The following SBF2 variants were observed in gnomAD, a reference collection of about 807,000 sequenced individuals.
SBF2 encodes the protein SET binding factor 2.
SBF2 carries 112 observed loss-of-function variants against 225.2 expected under a neutral mutation model. That is an observed-to-expected ratio of 0.50 (90% confidence interval 0.43 to 0.58). SBF2 has a LOEUF of 0.58. Among genes scored for constraint, SBF2 ranks in the 20% least tolerant of loss-of-function variants. The pLI is 0.00. For missense variants in SBF2, 1,996 were observed against 2,206.2 expected, an observed-to-expected ratio of 0.90 and a Z score of 1.91; for synonymous variants, 763 against 773.3, an observed-to-expected ratio of 0.99 and a Z score of 0.22.
chr11:9,982,317 G>C (rs529594985), intron 13 of SBF2, among the ~76,000 whole-genome samples: 1 of 152,274 alleles, frequency 6.6e-6, no homozygotes, highest in East Asian at 1.9e-4. Context: ...TCTTACAAGA[G>C]ACCCAAATGA....
intron 9 of SBF2, among the ~76,000 whole-genome samples, chr11:9,997,863 T>C (rs748518520): frequency 1.3e-5 from 2 of 152,210 alleles, no homozygotes; most frequent in Non-Finnish European, 2.9e-5. Context: ...CAAGACAATA[T>C]TACAGTGTTT....
chr11:10,089,881 C>A (rs1449328434), intron 2 of SBF2, among the ~76,000 whole-genome samples: 1 of 152,016 alleles, frequency 6.6e-6, no homozygotes, highest in East Asian at 1.9e-4. Flanking sequence ...AGTGAGTATA[C>A]CAATAGTCAC....
At position 9,784,345 on chromosome 11, in the gene SBF2, T is replaced by G. The variant is rs553530331; in HGVS notation, c.5319+6A>C. ...AAGTAATTTCTTTTGGCTTTAAGAG[T>G]ATTACCTGATGTTTTGTTACATCCA... On this transcript the variant is annotated splice_donor_region_variant and intron_variant, in intron 38 of 39. Coordinates refer to ENST00000256190, the MANE Select transcript of SBF2 (RefSeq NM_030962.4). 3.1e-6 allele frequency: 5 copies of G among 1,605,426 alleles called. No individual in the cohort carries two copies. The South Asian group carries it at 4.4e-5, about 14-fold the overall frequency.
chr11:9,939,615 T>C (rs758729837), intron 16 of SBF2, among the ~76,000 whole-genome samples: 10 of 152,166 alleles, frequency 6.6e-5, no homozygotes, highest in Non-Finnish European at 1.0e-4. Flanking sequence ...TTTGCCCATA[T>C]AACAAACAAC....
At chr11:10,214,525 A>G (rs988786388) in intron 1 of SBF2, among the ~76,000 whole-genome samples, 1 of 152,204 alleles carries the variant, frequency 6.6e-6, no homozygotes, top group Non-Finnish European at 1.5e-5. Context: ...CGGGAGGCTA[A>G]GGCAGGATAA....
Position 10,054,410 on chromosome 11 carries a change from T to C in SBF2, c.142-11429A>G, listed in dbSNP as rs371818648. 1.4e-4 allele frequency among the ~76,000 whole-genome samples: 21 copies of C among 152,336 alleles called. No homozygotes were observed. In the South Asian group the frequency reaches 4.1e-3, roughly 30 times the overall value. On this transcript the variant is annotated intron_variant, in intron 2 of 39. Coordinates refer to ENST00000256190, the MANE Select transcript of SBF2 (RefSeq NM_030962.4). ...AGATCCTATTTGTAATCTTAATATG[T>C]TCTCAAAGACAAAGGATAAGCTAAC...
chr11:10,261,016 A>G (rs1348547316), intron 1 of SBF2, among the ~76,000 whole-genome samples: 1 of 152,222 alleles, frequency 6.6e-6, no homozygotes, highest in Non-Finnish European at 1.5e-5. Flanking sequence ...TAGGCAAATG[A>G]TCTGAACAGA....
intron 2 of SBF2, among the ~76,000 whole-genome samples, chr11:10,102,744 G>A (rs995881023): frequency 1.3e-5 from 2 of 152,144 alleles, no homozygotes. Flanking sequence ...ACACTGATAT[G>A]GGGCCACAGT....
At chr11:9,843,626 TA>T (rs1856327947) in intron 24 of SBF2, among the ~76,000 whole-genome samples, 1 of 152,196 alleles carries the variant, frequency 6.6e-6, no homozygotes, top group Non-Finnish European at 1.5e-5. Flanking sequence ...TGCCATTCAG[TA>T]AAAAGTGATA....
intron 2 of SBF2, among the ~76,000 whole-genome samples, chr11:10,046,206 A>G (rs1949855382): frequency 6.6e-6 from 1 of 152,186 alleles, no homozygotes; most frequent in South Asian, 2.1e-4. Context: ...GCAGATTCCA[A>G]AGGACAACTG....
At chr11:9,885,287 C>G (rs1024675834) in intron 17 of SBF2, among the ~76,000 whole-genome samples, 8 of 149,196 alleles carry the variant, frequency 5.4e-5, no homozygotes, top group African/African-American at 9.8e-5. Context: ...CCCCACCCCC[C>G]CAAAAAAAAC....
intron 9 of SBF2, among the ~76,000 whole-genome samples, chr11:9,995,018 C>G (rs1414582514): frequency 7.1e-6 from 1 of 140,736 alleles, no homozygotes; most frequent in Admixed American, 7.5e-5. Flanking sequence ...GCCTGGGCGA[C>G]AGTTATAACA....
At chr11:10,280,270 TG>T (rs1408148884) in intron 1 of SBF2, among the ~76,000 whole-genome samples, 3 of 152,180 alleles carry the variant, frequency 2.0e-5, no homozygotes, top group African/African-American at 7.2e-5. Context: ...TTAGAAGGGA[TG>T]ACTAAGAGCT....
chr11:10,284,469 C>T (rs909588648), intron 1 of SBF2, among the ~76,000 whole-genome samples: 1 of 152,148 alleles, frequency 6.6e-6, no homozygotes, highest in Non-Finnish European at 1.5e-5. Context: ...TGTGTTCATT[C>T]CATGTATCTT....
chr11:9,871,480 T>TTATTATTATTAC (rs1664677660), intron 17 of SBF2, among the ~76,000 whole-genome samples: 1 of 145,350 alleles, frequency 6.9e-6, no homozygotes, highest in Non-Finnish European at 1.5e-5. Context: ...CTTATTATTA[T>TTATTATTATTAC]TATTATTATT....
intron 1 of SBF2, among the ~76,000 whole-genome samples, chr11:10,266,780 T>C (rs963183794): frequency 2.0e-5 from 3 of 152,230 alleles, no homozygotes; most frequent in African/African-American, 4.8e-5. Context: ...GGAAACGTAG[T>C]TGATTTTGGC....
rs567740265 is a variant in SBF2, at chr11:10,166,853, T to G, written c.141+27049A>C. Among the ~76,000 whole-genome samples the G allele has an allele frequency of 3.9e-5, 6 of 151,938 alleles. No homozygotes were observed. The South Asian group carries it at 1.2e-3, about 32-fold the overall frequency. ...GGCGCATGCCTGTAGTCCCAGCCAC[T>G]CAGGAGACTGAGGCGGGAGAATCAC... On this transcript the variant is annotated intron_variant, in intron 2 of 39. Transcript: ENST00000256190.
chr11:10,190,354 T>C (rs17294292), intron 2 of SBF2, among the ~76,000 whole-genome samples: 1 of 152,092 alleles, frequency 6.6e-6, no homozygotes, highest in Non-Finnish European at 1.5e-5. Flanking sequence ...TATATGACTG[T>C]CTGTGGTTTT....
chr11:9,887,320 CCA>C (rs1051716485), intron 17 of SBF2, among the ~76,000 whole-genome samples: 1 of 151,810 alleles, frequency 6.6e-6, no homozygotes, highest in African/African-American at 2.4e-5. Context: ...GTAAATTGCC[CCA>C]GTTTCCTTCT....
Sources: allele counts gnomAD v4.1 joint callset (sites outside exome capture counted in the v4.1 genomes callset), GRCh38; gene constraint gnomAD v4.1.1; transcripts MANE v1.5; gene names NCBI Gene and HGNC (gene_info 2026-07-23, HGNC 2026-07-21).